Variants in CFHR4 observed in about 807,000 individuals in gnomAD.
CFHR4 encodes complement factor H related 4.
Under a neutral mutation model 69.3 loss-of-function variants are expected in CFHR4, and 64 were observed. That is an observed-to-expected ratio of 0.92 (90% CI 0.76 to 1.14). CFHR4 has a LOEUF of 1.14. CFHR4 is among the 50% of genes most tolerant of loss of function. CFHR4 has a pLI of 0.00. For missense variants in CFHR4, 636 were observed against 684.9 expected, an observed-to-expected ratio of 0.93 and a Z score of 0.80; for synonymous variants, 244 against 237.0, an observed-to-expected ratio of 1.03 and a Z score of -0.27.
At chr1:196,893,937 C>G (rs991758021) in intron 1 of CFHR4, among the ~76,000 whole-genome samples, 2 of 151,608 alleles carry the variant, frequency 1.3e-5, no homozygotes, top group Admixed American at 6.6e-5. Flanking sequence ...GACCTAATCT[C>G]TCTATGTGCT....
rs967793895 is a variant in CFHR4, at chr1:196,899,632, C to T, written c.59-2786C>T. Among the ~76,000 whole-genome samples the T allele has an allele frequency of 2.0e-5, 3 of 151,574 alleles. 1 individual carries two copies. Among genetic ancestry groups the T allele is most frequent in the African/African-American group, 7.3e-5 (3 of 41,092 alleles). On this transcript the variant is annotated intron_variant, in intron 1 of 9. Transcript: ENST00000608469. ...TTCTTAAGAAAGGTAGCTATTGTAA[C>T]TGTGAAACCAATTTCACTGTGCATA...
chr1:196,907,322 C>A lies in CFHR4; in HGVS notation c.623C>A (p.Ser208Ter). The change falls in exon 5 of 10, where the codon TCA becomes TAA. Residue 208 changes from serine (S) to a stop codon, truncating the protein, a stop_gained. Coordinates refer to ENST00000608469, the MANE Select transcript of CFHR4 (RefSeq NM_001201550.3). LOFTEE classifies it high-confidence loss of function. ...WSHLPTCYNSSENCGPPPPIS... is the reference protein window; with the variant it reads ...WSHLPTCYNS ...GTAAAGTATTTTTTTTCAGATTCTT[C>A]AGAAAACTGTGGGCCTCCTCCACCT... The A allele has an allele frequency of 6.2e-7, 1 of 1,609,148 alleles. No homozygotes were observed. Among genetic ancestry groups the A allele is most frequent in the South Asian group, 1.1e-5 (1 of 90,864 alleles).
intron 1 of CFHR4, among the ~76,000 whole-genome samples, chr1:196,898,873 A>T (rs1558239317): frequency 6.6e-6 from 1 of 151,484 alleles, no homozygotes. Flanking sequence ...GTACCTTACC[A>T]CATTGTCCCC....
At chr1:196,900,266 G>A (rs945250529) in intron 1 of CFHR4, among the ~76,000 whole-genome samples, 15 of 150,464 alleles carry the variant, frequency 1.0e-4, no homozygotes, top group African/African-American at 3.7e-4. Flanking sequence ...GAAATAGAAT[G>A]AGGCTGCTCT....
intron 9 of CFHR4, among the ~76,000 whole-genome samples, chr1:196,915,613 C>G (rs6662876): frequency 0.21 from 31,152 of 149,524 alleles, 5,000 homozygotes; most frequent in African/African-American, 0.43. Context: ...CCAGCCTGGG[C>G]GACAGAGGGA....
chr1:196,898,445 T>C (rs552605249), intron 1 of CFHR4, among the ~76,000 whole-genome samples: 1 of 151,762 alleles, frequency 6.6e-6, no homozygotes, highest in Non-Finnish European at 1.5e-5. Flanking sequence ...CCAAAGTAGA[T>C]AATTCTAAGT....
Position 196,888,205 on chromosome 1 carries a change from C to A in CFHR4, c.55C>A (p.Gln19Lys), listed in dbSNP as rs765089072. 3.7e-6 allele frequency: 6 copies of A among 1,610,822 alleles called. No homozygotes were observed. Among genetic ancestry groups the A allele is most frequent in the South Asian group, 1.1e-5 (1 of 91,014 alleles). ...CTTGTGGGTTTCCTGTGCTAATGGACAAGGTAAGTTGAAAGAGATCTAAAC... is the reference window on the plus strand; with the variant it reads ...CTTGTGGGTTTCCTGTGCTAATGGAAAAGGTAAGTTGAAAGAGATCTAAAC... ...LTLWVSCANG[Q>K]EVKPCDFPEI... is the part of the protein sequence containing the mutation. The change falls in exon 1 of 10, where the codon CAA (glutamine) becomes AAA (lysine). Residue 19 changes from glutamine (Q) to lysine (K), a missense_variant. Transcript: ENST00000608469.
intron 1 of CFHR4, among the ~76,000 whole-genome samples, chr1:196,901,199 T>C (rs1657581276): frequency 6.6e-6 from 1 of 151,056 alleles, no homozygotes; most frequent in Non-Finnish European, 1.5e-5. Context: ...GTAATTAAGA[T>C]GCTATTTATA....
intron 5 of CFHR4, among the ~76,000 whole-genome samples, chr1:196,909,599 G>T (rs1224944363): frequency 6.6e-6 from 1 of 151,310 alleles, no homozygotes; most frequent in East Asian, 1.9e-4. Flanking sequence ...ATGATTTGGG[G>T]AAATTTCTAA....
At position 196,916,450 on chromosome 1, in the gene CFHR4, A is replaced by T. The variant is rs1460406785; in HGVS notation, c.1540+1312A>T. Among the ~76,000 whole-genome samples, 7 of 152,000 alleles carry T rather than the reference A, an allele frequency of 4.6e-5. No individual in the cohort carries two copies. The East Asian group carries it at 1.2e-3, about 25-fold the overall frequency. On this transcript the variant is annotated intron_variant, in intron 9 of 9. Coordinates refer to ENST00000608469, the MANE Select transcript of CFHR4 (RefSeq NM_001201550.3). ...GACTCATTTCCTTTATTTTGATGCT[A>T]TGCTACCTTTTACCTTTCATATTGA...
chr1:196,912,198 T>C (rs1658311449), intron 6 of CFHR4, among the ~76,000 whole-genome samples: 2 of 151,434 alleles, frequency 1.3e-5, no homozygotes, highest in East Asian at 3.9e-4. Flanking sequence ...TTCTTTTTTC[T>C]GCTTACATTT....
chr1:196,892,378 A>T (rs573170867), intron 1 of CFHR4, among the ~76,000 whole-genome samples: 1 of 151,674 alleles, frequency 6.6e-6, no homozygotes, highest in African/African-American at 2.4e-5. Flanking sequence ...AGAAGATGAT[A>T]TCAAAGATTA....
Position 196,910,331 on chromosome 1 carries a change from G to A in CFHR4, c.850G>A (p.Glu284Lys), listed in dbSNP as rs780015139. 10 of 1,610,338 alleles carry A rather than the reference G, an allele frequency of 6.2e-6. No homozygotes were observed. The highest frequency in any genetic ancestry group is 3.3e-5 in the Admixed American group (2 of 59,712). The change falls in exon 6 of 10, where the codon GAG becomes AAG. Residue 284 changes from glutamate (E) to lysine (K), a missense_variant. By Grantham distance (56) the Glu-to-Lys change is moderately conservative. Transcript: ENST00000608469. ...PEIQHGHLYY[E>K]NTRRPYFPVA... ...AATTCAACATGGACATCTATATTAT[G>A]AGAATACGCGTAGACCATACTTTCC...
intron 9 of CFHR4, among the ~76,000 whole-genome samples, chr1:196,916,370 C>T (rs1212645529): frequency 1.3e-5 from 2 of 151,920 alleles, no homozygotes; most frequent in Non-Finnish European, 2.9e-5. Flanking sequence ...ATGAGTTTTT[C>T]AAGTGCTCAA....
chr1:196,895,066 T>C (rs1404822935), intron 1 of CFHR4, among the ~76,000 whole-genome samples: 1 of 150,898 alleles, frequency 6.6e-6, no homozygotes, highest in Non-Finnish European at 1.5e-5. Context: ...TCAAAAAAAA[T>C]TATATTAAAG....
At chr1:196,899,874 A>AT (rs1367109000) in intron 1 of CFHR4, among the ~76,000 whole-genome samples, 1 of 151,506 alleles carries the variant, frequency 6.6e-6, no homozygotes, top group Non-Finnish European at 1.5e-5. Flanking sequence ...GTTTTACCTG[A>AT]TTATCAGATA....
Position 196,905,159 on chromosome 1 carries a change from C to T in CFHR4, c.308C>T (p.Ser103Phe), listed in dbSNP as rs769223045. 23 of 1,606,986 alleles carry T rather than the reference C, an allele frequency of 1.4e-5. No homozygotes were observed. The Admixed American group carries it at 3.9e-4, about 27-fold the overall frequency. ...ATTGAAAATGGATTCATTTCTGAAT[C>T]TTCCTCTATTTATATTTTAAATGAA... Reference protein sequence around the residue: ...VEIENGFISESSSIYILNEET... With the variant: ...VEIENGFISEFSSIYILNEET... The change falls in exon 3 of 10, where the codon TCT becomes TTT. Residue 103 changes from serine to phenylalanine, a missense_variant. Coordinates refer to ENST00000608469, the MANE Select transcript of CFHR4 (RefSeq NM_001201550.3).
intron 3 of CFHR4, among the ~76,000 whole-genome samples, chr1:196,905,997 T>A (rs1657890361): frequency 6.6e-6 from 1 of 151,582 alleles, no homozygotes; most frequent in African/African-American, 2.4e-5. Flanking sequence ...ATCTTTTTTG[T>A]CTTTCCTCTT....
chr1:196,910,594 G>A (rs546090197), intron 6 of CFHR4, 116 bp downstream of exon 6: 7 of 836,054 alleles, frequency 8.4e-6, no homozygotes, highest in South Asian at 4.0e-5. Context: ...AGGAAGAGTT[G>A]TTCATGCAAA....
Sources: allele counts gnomAD v4.1 joint callset (sites outside exome capture counted in the v4.1 genomes callset), GRCh38; gene constraint gnomAD v4.1.1; transcripts MANE v1.5; gene names NCBI Gene and HGNC (gene_info 2026-07-23, HGNC 2026-07-21).